MICU1: variants seen among roughly 807,000 people sequenced by gnomAD.
The protein encoded by MICU1 is calcium uptake protein 1, mitochondrial.
In MICU1, 45 loss-of-function variants were observed where a neutral mutation model predicts 56.8. The observed-to-expected ratio is 0.79, with a 90% CI of 0.62 to 1.02. The LOEUF (loss-of-function observed/expected upper bound fraction) is 1.02. Ranked by LOEUF, MICU1 falls within the 50% of genes least tolerant of loss-of-function variation. The probability of loss-of-function intolerance (pLI) is 0.00; values close to 1 mark genes in which losing one functional copy is unlikely to be tolerated. For missense variants in MICU1, 504 were observed against 587.1 expected, an observed-to-expected ratio of 0.86 and a Z score of 1.46; for synonymous variants, 186 against 195.1, an observed-to-expected ratio of 0.95 and a Z score of 0.39.
At chr10:72,587,021 A>T (rs190120341) in intron 1 of MICU1, among the ~76,000 whole-genome samples, 1 of 152,268 alleles carries the variant, frequency 6.6e-6, no homozygotes, top group African/African-American at 2.4e-5. Flanking sequence ...TCAGGGCATG[A>T]CTTCTCATGC....
intron 8 of MICU1, among the ~76,000 whole-genome samples, chr10:72,432,207 C>T (rs920644734): frequency 3.3e-5 from 5 of 152,010 alleles, no homozygotes; most frequent in African/African-American, 9.7e-5. Context: ...AATCCTCCCA[C>T]CTCAGCCCCC....
chr10:72,513,454 T>C (rs573053172), intron 5 of MICU1, among the ~76,000 whole-genome samples: 31 of 152,368 alleles, frequency 2.0e-4, no homozygotes, highest in Admixed American at 2.0e-3. Context: ...ATATTCTGGA[T>C]ATTAGATCCT....
At chr10:72,508,811 T>A (rs1260539192) in intron 5 of MICU1, among the ~76,000 whole-genome samples, 1 of 152,176 alleles carries the variant, frequency 6.6e-6, no homozygotes, top group Non-Finnish European at 1.5e-5. Flanking sequence ...CAGACCAGTA[T>A]GCAGAGTGAA....
Position 72,368,052 on chromosome 10 carries a change from A to G in MICU1, c.*143T>C. 1 of 821,642 alleles carries G rather than the reference A, an allele frequency of 1.2e-6. No homozygotes were observed. The highest frequency in any genetic ancestry group is 1.9e-6 in the Non-Finnish European group (1 of 536,586). 50.9% of individuals were successfully genotyped at this position (821,642 alleles called of 1,614,324 possible). Reference sequence around the variant, plus strand: ...AACACGGGGACGGGGAAGGGTAAAGAGGGGAAACCGACAGAGTCCTGAGGT... The same window carrying G: ...AACACGGGGACGGGGAAGGGTAAAGGGGGGAAACCGACAGAGTCCTGAGGT... On this transcript the variant is annotated 3_prime_UTR_variant, in exon 12 of 12. Coordinates refer to ENST00000361114, the MANE Select transcript of MICU1 (RefSeq NM_001195518.2).
At chr10:72,462,535 C>T (rs1589245215) in intron 8 of MICU1, among the ~76,000 whole-genome samples, 1 of 152,044 alleles carries the variant, frequency 6.6e-6, no homozygotes, top group Non-Finnish European at 1.5e-5. Flanking sequence ...CACATATGCT[C>T]GAGACTGACA....
At position 72,418,965 on chromosome 10, in the gene MICU1, C is replaced by T. The variant is rs79867156; in HGVS notation, c.1071+4269G>A. Among the ~76,000 whole-genome samples, 958 of 152,320 alleles carry T rather than the reference C, an allele frequency of 6.3e-3. 8 individuals are homozygous for T. The highest frequency in any genetic ancestry group is 0.033 in the East Asian group (173 of 5,186). On this transcript the variant is annotated intron_variant, in intron 9 of 11. Transcript: ENST00000361114. ...ATTCTGGGCCAAAAGTAATTTAACA[C>T]CGCAGATTTTCATCATCTGACAAAA...
intron 10 of MICU1, among the ~76,000 whole-genome samples, chr10:72,380,396 C>A (rs1862662327): frequency 6.6e-6 from 1 of 152,132 alleles, no homozygotes; most frequent in Non-Finnish European, 1.5e-5. Flanking sequence ...AACTAGTACT[C>A]AAAAATCTGG....
intron 9 of MICU1, among the ~76,000 whole-genome samples, chr10:72,414,647 T>A (rs1863924702): frequency 6.6e-6 from 1 of 152,154 alleles, no homozygotes. Context: ...TTCACTAAAA[T>A]TAATAAAAAT....
At chr10:72,484,882 C>T (rs370413464) in intron 6 of MICU1, among the ~76,000 whole-genome samples, 18 of 152,108 alleles carry the variant, frequency 1.2e-4, no homozygotes, top group African/African-American at 4.3e-4. Context: ...AATAAAAATT[C>T]CACAAGAAAC....
At chr10:72,444,545 G>A (rs1229644845) in intron 8 of MICU1, among the ~76,000 whole-genome samples, 33 of 150,334 alleles carry the variant, frequency 2.2e-4, no homozygotes, top group Non-Finnish European at 1.6e-4. Context: ...CGCCTCCCAG[G>A]TTCAAGAGAT....
chr10:72,548,764 T>C (rs1369378575), intron 4 of MICU1, among the ~76,000 whole-genome samples: 3 of 152,232 alleles, frequency 2.0e-5, no homozygotes, highest in Non-Finnish European at 4.4e-5. Flanking sequence ...TGGCACAATC[T>C]TGGCTCACTG....
intron 5 of MICU1, chr10:72,528,749 T>C: frequency 4.3e-6 from 1 of 234,114 alleles, no homozygotes; most frequent in African/African-American, 2.3e-5. Flanking sequence ...AAACTACACT[T>C]GACCTTATTC....
intron 6 of MICU1, among the ~76,000 whole-genome samples, chr10:72,493,890 A>G (rs561088116): frequency 6.6e-6 from 1 of 152,306 alleles, no homozygotes; most frequent in African/African-American, 2.4e-5. Flanking sequence ...AGACGCTGAA[A>G]AGGTTTTGCC....
intron 10 of MICU1, among the ~76,000 whole-genome samples, chr10:72,388,598 T>C (rs1862968121): frequency 1.3e-5 from 2 of 152,202 alleles, no homozygotes; most frequent in Admixed American, 1.3e-4. Flanking sequence ...AGGTCACATT[T>C]CATATTCAAG....
At chr10:72,529,560 G>A (rs1031905483) in intron 5 of MICU1, among the ~76,000 whole-genome samples, 4 of 152,046 alleles carry the variant, frequency 2.6e-5, no homozygotes, top group African/African-American at 9.7e-5. Flanking sequence ...AAAACATGGT[G>A]ATGTTTGATG....
At chr10:72,424,270 G>A (rs547432883) in intron 8 of MICU1, among the ~76,000 whole-genome samples, 33 of 152,056 alleles carry the variant, frequency 2.2e-4, no homozygotes, top group Admixed American at 1.9e-3. Context: ...ACACCACCAC[G>A]CCTGGCTAAT....
chr10:72,617,819 G>A (rs1166151007), intron 1 of MICU1, among the ~76,000 whole-genome samples: 1 of 150,850 alleles, frequency 6.6e-6, no homozygotes, highest in South Asian at 2.1e-4. Context: ...GTGACAGCAC[G>A]AGACCCCAAC....
At chr10:72,611,726 G>A (rs570975097) in intron 1 of MICU1, among the ~76,000 whole-genome samples, 1 of 152,080 alleles carries the variant, frequency 6.6e-6, no homozygotes, top group East Asian at 1.9e-4. Flanking sequence ...CAGACTAAAG[G>A]AGTAATATAC....
chr10:72,473,674 A>G (rs1451637224), intron 8 of MICU1, among the ~76,000 whole-genome samples: 1 of 151,154 alleles, frequency 6.6e-6, no homozygotes, highest in Non-Finnish European at 1.5e-5. Flanking sequence ...GGAAAACTCA[A>G]ACAGACAGGG....
Sources: gnomAD v4.1 joint callset for allele counts (sites outside exome capture counted in the v4.1 genomes callset) on GRCh38, gnomAD v4.1.1 for gene constraint, MANE v1.5 for transcripts, NCBI Gene and HGNC (gene_info 2026-07-23, HGNC 2026-07-21) for gene names.